The following LINGO2 variants were observed in gnomAD, a reference collection of about 807,000 sequenced individuals.
LINGO2 encodes leucine rich repeat and Ig domain containing 2.
A neutral mutation model predicts 30.6 loss-of-function variants in LINGO2; 14 were observed. The ratio of observed to expected loss-of-function variants is 0.46; its 90% CI spans 0.30 to 0.72. The LOEUF (loss-of-function observed/expected upper bound fraction) is 0.72, where lower values mean the gene tolerates loss of function less well. Ranked by LOEUF, LINGO2 falls within the 30% of genes least tolerant of loss-of-function variation. LINGO2 has a pLI of 0.07. For missense variants in LINGO2, 729 were observed against 751.7 expected (o/e 0.97, Z 0.35); for synonymous variants, 317 against 288.5 (o/e 1.10, Z -1.00).
chr9:28,056,611 AG>A (rs1563948990), intron 4 of LINGO2, among the ~76,000 whole-genome samples: 1 of 152,150 alleles, frequency 6.6e-6, no homozygotes, highest in African/African-American at 2.4e-5. Flanking sequence ...AGCCCCTGGC[AG>A]GACCTAGCAA....
intron 3 of LINGO2, among the ~76,000 whole-genome samples, chr9:28,352,951 G>A (rs1457318425): frequency 1.3e-5 from 2 of 149,168 alleles, no homozygotes; most frequent in Non-Finnish European, 3.0e-5. Flanking sequence ...CTAGCCATAT[G>A]TAGAAAGCTG....
chr9:28,772,282 C>T, the LINGO2 span, among the ~76,000 whole-genome samples: 11 of 152,268 alleles, frequency 7.2e-5, no homozygotes, highest in African/African-American at 2.2e-4. Flanking sequence ...AGTCAGACCG[C>T]GGTCTCAGGT....
At chr9:28,353,888 T>A (rs554061169) in intron 3 of LINGO2, among the ~76,000 whole-genome samples, 1 of 152,158 alleles carries the variant, frequency 6.6e-6, no homozygotes, top group African/African-American at 2.4e-5. Flanking sequence ...TCATTCTCAG[T>A]AAACTATCGC....
At chr9:28,241,498 G>A (rs556226745) in intron 4 of LINGO2, among the ~76,000 whole-genome samples, 179 of 152,042 alleles carry the variant, frequency 1.2e-3, no homozygotes, top group Non-Finnish European at 2.0e-3. Context: ...TGGTGCAGCC[G>A]CCCACCTGAG....
At chr9:28,826,240 T>C in the LINGO2 span, among the ~76,000 whole-genome samples, 1 of 152,208 alleles carries the variant, frequency 6.6e-6, no homozygotes, top group African/African-American at 2.4e-5. Flanking sequence ...TCTCCTCCAC[T>C]GTTATCAACA....
At chr9:28,053,268 G>A (rs888733647) in intron 4 of LINGO2, among the ~76,000 whole-genome samples, 3 of 152,048 alleles carry the variant, frequency 2.0e-5, no homozygotes, top group African/African-American at 7.2e-5. Context: ...AGGGGCTCAG[G>A]CAGCAGCAGC....
intron 3 of LINGO2, among the ~76,000 whole-genome samples, chr9:28,337,864 C>A (rs1014409492): frequency 6.6e-6 from 1 of 152,078 alleles, no homozygotes; most frequent in Non-Finnish European, 1.5e-5. Flanking sequence ...AAGTTTGCTG[C>A]AGGGGTGGGG....
At chr9:28,598,000 T>A (rs919312677) in intron 1 of LINGO2, among the ~76,000 whole-genome samples, 2 of 152,018 alleles carry the variant, frequency 1.3e-5, no homozygotes, top group Non-Finnish European at 2.9e-5. Context: ...CCAGGCCCCA[T>A]GTGATCCACC....
intron 2 of LINGO2, among the ~76,000 whole-genome samples, chr9:28,380,834 A>G (rs556291533): frequency 2.0e-5 from 3 of 152,208 alleles, no homozygotes; most frequent in Non-Finnish European, 4.4e-5. Flanking sequence ...TAAGAATTGG[A>G]TGGGAAGAGA....
the LINGO2 span, among the ~76,000 whole-genome samples, chr9:28,691,785 T>A: frequency 6.6e-6 from 1 of 152,174 alleles, no homozygotes; most frequent in African/African-American, 2.4e-5. Flanking sequence ...CTAATAGGAA[T>A]GCATCTGGCT....
chr9:28,865,677 G>A, the LINGO2 span, among the ~76,000 whole-genome samples: 453 of 152,196 alleles, frequency 3.0e-3, 3 homozygotes, highest in African/African-American at 0.011. Flanking sequence ...CCAGCTACTC[G>A]GGAGGATGAG....
intron 3 of LINGO2, among the ~76,000 whole-genome samples, chr9:28,359,828 C>T (rs1025673144): frequency 6.6e-6 from 1 of 152,138 alleles, no homozygotes; most frequent in Non-Finnish European, 1.5e-5. Context: ...GCATGCTTCC[C>T]TCTCAGAAAC....
At chr9:28,497,608 C>G in intron 1 of LINGO2, among the ~76,000 whole-genome samples, 1 of 152,144 alleles carries the variant, frequency 6.6e-6, no homozygotes, top group East Asian at 1.9e-4. Context: ...GTTCGAACTT[C>G]CTCCTTTAGC....
intron 2 of LINGO2, among the ~76,000 whole-genome samples, chr9:28,413,841 TTC>T (rs1226858304): frequency 2.0e-5 from 3 of 152,126 alleles, no homozygotes; most frequent in Non-Finnish European, 4.4e-5. Context: ...GAAGCCAGGA[TTC>T]TGTTACTAAT....
intron 4 of LINGO2, among the ~76,000 whole-genome samples, chr9:28,247,718 C>T (rs4545177): frequency 0.062 from 9,382 of 151,890 alleles, 374 homozygotes; most frequent in South Asian, 0.16. Context: ...CTTTGTAACA[C>T]GCCTGCATGA....
At chr9:28,760,943 T>TACACACACACAC in the LINGO2 span, among the ~76,000 whole-genome samples, 561 of 145,558 alleles carry the variant, frequency 3.9e-3, 5 homozygotes, top group African/African-American at 0.013. Context: ...TATATATATA[T>TACACACACACAC]ATACACACAC....
chr9:27,981,571 A>AAAAAAG (rs1820875765), intron 5 of LINGO2, among the ~76,000 whole-genome samples: 2 of 74,234 alleles, frequency 2.7e-5, no homozygotes, highest in Admixed American at 1.3e-4. Context: ...AAAAAAAAAG[A>AAAAAAG]AAAAAAAAAG....
chr9:28,240,980 A>G (rs1224385005), intron 4 of LINGO2, among the ~76,000 whole-genome samples: 8 of 152,110 alleles, frequency 5.3e-5, no homozygotes, highest in Non-Finnish European at 5.9e-5. Context: ...ACTCCATAAG[A>G]AAAAATCTGG....
the LINGO2 span, among the ~76,000 whole-genome samples, chr9:29,072,291 C>A: frequency 4.0e-5 from 6 of 151,842 alleles, no homozygotes; most frequent in African/African-American, 1.5e-4. Context: ...AGAATAGAAG[C>A]TAATATTAAT....
Sources: allele counts gnomAD v4.1 joint callset (sites outside exome capture counted in the v4.1 genomes callset), GRCh38; gene constraint gnomAD v4.1.1; transcripts MANE v1.5; gene names NCBI Gene and HGNC (gene_info 2026-07-23, HGNC 2026-07-21).